The following NFASC variants were observed in gnomAD, a reference collection of about 807,000 sequenced individuals.
NFASC encodes neurofascin.
A neutral mutation model predicts 147.5 loss-of-function variants in NFASC; 43 were observed. The observed-to-expected ratio is 0.29, with a 90% confidence interval of 0.23 to 0.38. The LOEUF is 0.38. Among genes scored for constraint, NFASC ranks in the 10% least tolerant of loss-of-function variants. The pLI is 1.00. For missense variants in NFASC, 1,320 were observed against 1,689.0 expected, an observed-to-expected ratio of 0.78 and a Z score of 3.83; for synonymous variants, 622 against 665.5, an observed-to-expected ratio of 0.93 and a Z score of 1.01.
Position 205,002,616 on chromosome 1 carries a change from G to A in NFASC, c.3157G>A (p.Val1053Ile), listed in dbSNP as rs755430568. ...YIDSNHTKKT[V>I]PVKAQAQPIQ... ...CCCAGGCAACCATACGAAAAAAACT[G>A]TCCCAGTTAAGGCCCAGGCTCAGCC... Residue 1053 changes from valine (V) to isoleucine (I), a missense_variant, in exon 27 of 30, where the codon GTC (valine) becomes ATC (isoleucine). Physicochemically the swap from Val to Ile is conservative, Grantham distance 29. This residue lies in a region of NFASC where 172 missense variants were observed against 165.8 expected (regional missense o/e 1.04). Transcript: ENST00000339876. The A allele has an allele frequency of 2.6e-6, 4 of 1,532,502 alleles. No homozygotes were observed. The highest frequency in any genetic ancestry group is 3.6e-6 in the Non-Finnish European group (4 of 1,124,572). The allele number at this position is 1,532,502 out of a possible 1,614,324, so 94.9% of individuals were successfully genotyped here. A position where few individuals can be genotyped will look rare whatever the true frequency, so the allele number is the denominator to read the frequency against.
At chr1:204,957,204 C>G (rs182009574) in intron 7 of NFASC, among the ~76,000 whole-genome samples, 4 of 152,268 alleles carry the variant, frequency 2.6e-5, no homozygotes, top group Non-Finnish European at 5.9e-5. Flanking sequence ...TCCTATATGC[C>G]GAGTCCTAAG....
chr1:204,923,365 G>T (rs2090894222), intron 2 of NFASC, among the ~76,000 whole-genome samples: 2 of 152,004 alleles, frequency 1.3e-5, no homozygotes. Flanking sequence ...CACCCTCCAA[G>T]CTCAGGCTTC....
chr1:204,986,886 G>T lies in NFASC; in HGVS notation c.2471-532G>T. On this transcript the variant is annotated intron_variant, in intron 21 of 29. Coordinates refer to ENST00000339876, the MANE Select transcript of NFASC (RefSeq NM_001005388.3). The surrounding 1 kb of genome is among the most constrained non-coding windows in gnomAD (Gnocchi z 4.2). ...CCCCTTGGTTTGGTTTTCATCATTGGCCTCTCCCCAACACTCCCACCCTCC... is the reference window on the plus strand; with the variant it reads ...CCCCTTGGTTTGGTTTTCATCATTGTCCTCTCCCCAACACTCCCACCCTCC... The T allele has an allele frequency of 6.5e-6, 1 of 154,740 alleles. No individual in the cohort carries two copies. The allele number at this position is 154,740 out of a possible 1,614,324, so 9.6% of individuals were successfully genotyped here.
chr1:204,866,764 TG>T (rs1430615043), intron 1 of NFASC, among the ~76,000 whole-genome samples: 1 of 152,234 alleles, frequency 6.6e-6, no homozygotes, highest in Non-Finnish European at 1.5e-5. Context: ...TTTCATCATC[TG>T]GTAGAGGAGG....
chr1:204,849,572 C>A (rs1034913036), intron 1 of NFASC, among the ~76,000 whole-genome samples: 1 of 152,082 alleles, frequency 6.6e-6, no homozygotes, highest in African/African-American at 2.4e-5. Flanking sequence ...ACTTGGAGAG[C>A]CATTAGTCCA....
At chr1:204,978,762 G>C (rs551044001) in intron 17 of NFASC, among the ~76,000 whole-genome samples, 10 of 152,234 alleles carry the variant, frequency 6.6e-5, no homozygotes, top group East Asian at 3.9e-4. Flanking sequence ...TGTGGGGGGG[G>C]GCTGGGATTT....
rs563941485 is a variant in NFASC, at chr1:204,929,474, G to A, written c.-91+8734G>A. 1.5e-3 allele frequency: 229 copies of A among 152,666 alleles called. 1 individual carries two copies. The highest frequency in any genetic ancestry group is 2.0e-3 in the Non-Finnish European group (134 of 68,278). 9.5% of individuals were successfully genotyped at this position (152,666 alleles called of 1,614,324 possible). ...AAGCTGGGTTTCTCTCCCTGAGTGTGGGGGAGGCCGAGGTCCTGAAGCAGG... is the reference window on the plus strand; with the variant it reads ...AAGCTGGGTTTCTCTCCCTGAGTGTAGGGGAGGCCGAGGTCCTGAAGCAGG... On this transcript the variant is annotated intron_variant, in intron 2 of 29. Coordinates refer to ENST00000339876, the MANE Select transcript of NFASC (RefSeq NM_001005388.3).
intron 1 of NFASC, among the ~76,000 whole-genome samples, chr1:204,874,538 G>T (rs1237723277): frequency 6.6e-6 from 1 of 152,162 alleles, no homozygotes; most frequent in Non-Finnish European, 1.5e-5. Flanking sequence ...CCTGCCCCCG[G>T]TTCCCATTCC....
intron 1 of NFASC, among the ~76,000 whole-genome samples, chr1:204,899,517 T>C (rs960943644): frequency 1.3e-5 from 2 of 152,194 alleles, no homozygotes; most frequent in African/African-American, 2.4e-5. Context: ...AGCTGTGCTT[T>C]CCAGCAGACG....
chr1:204,975,502 A>G lies in NFASC; in HGVS notation c.1706+84A>G. 1 of 1,516,008 alleles carries G rather than the reference A, an allele frequency of 6.6e-7. No homozygotes were observed. Among genetic ancestry groups the G allele is most frequent in the Non-Finnish European group, 9.0e-7 (1 of 1,110,780 alleles). The allele number at this position is 1,516,008 out of a possible 1,614,324, so 93.9% of individuals were successfully genotyped here. On this transcript the variant is annotated intron_variant, in intron 15 of 29. Transcript: ENST00000339876. The surrounding 1 kb of genome is among the most constrained non-coding windows in gnomAD (Gnocchi z 4.0). ...TGCTGTTGGTGACACATGGAAGAAC[A>G]CAGGGACAGGGAACCCGTGTCATGC...
intron 1 of NFASC, among the ~76,000 whole-genome samples, chr1:204,855,532 G>A (rs1387152621): frequency 6.6e-6 from 1 of 152,220 alleles, no homozygotes; most frequent in Non-Finnish European, 1.5e-5. Context: ...GAATAGTAAA[G>A]AGACCTCTGA....
intron 1 of NFASC, among the ~76,000 whole-genome samples, chr1:204,915,782 C>T (rs936702127): frequency 1.3e-5 from 2 of 152,114 alleles, no homozygotes; most frequent in African/African-American, 2.4e-5. Context: ...TTTAGAAATA[C>T]GCCCTTATGG....
At chr1:204,848,018 C>A (rs2075328127) in intron 1 of NFASC, among the ~76,000 whole-genome samples, 1 of 152,152 alleles carries the variant, frequency 6.6e-6, no homozygotes, top group Non-Finnish European at 1.5e-5. Context: ...CTGCTTTTGT[C>A]TTCCCATTAC....
chr1:204,881,066 GA>G (rs1348620126), intron 1 of NFASC, among the ~76,000 whole-genome samples: 1 of 152,244 alleles, frequency 6.6e-6, no homozygotes, highest in African/African-American at 2.4e-5. Flanking sequence ...ACGGGCAACT[GA>G]GGCTCCCCTG....
At chr1:204,919,309 G>A (rs772159778) in intron 1 of NFASC, among the ~76,000 whole-genome samples, 11 of 152,066 alleles carry the variant, frequency 7.2e-5, no homozygotes, top group Admixed American at 5.2e-4. Flanking sequence ...ACAGGCGTGA[G>A]CCACCGCACC....
intron 1 of NFASC, among the ~76,000 whole-genome samples, chr1:204,840,167 A>G (rs1355770950): frequency 6.6e-6 from 1 of 152,142 alleles, no homozygotes; most frequent in Non-Finnish European, 1.5e-5. Context: ...TGCTTTTCCA[A>G]CAAGGTCCCA....
chr1:204,872,001 G>A (rs886736920), intron 1 of NFASC, among the ~76,000 whole-genome samples: 3 of 152,246 alleles, frequency 2.0e-5, no homozygotes, highest in African/African-American at 7.2e-5. Context: ...GCTCCCTGAA[G>A]CAGGGGTTTG....
At chr1:204,965,180 G>A (rs144424313) in intron 8 of NFASC, among the ~76,000 whole-genome samples, 17 of 152,248 alleles carry the variant, frequency 1.1e-4, no homozygotes, top group African/African-American at 3.9e-4. Flanking sequence ...AGATCAGGGC[G>A]AATAACCAAT....
At chr1:204,911,444 C>T (rs892606623) in intron 1 of NFASC, among the ~76,000 whole-genome samples, 1 of 152,138 alleles carries the variant, frequency 6.6e-6, no homozygotes, top group African/African-American at 2.4e-5. Flanking sequence ...TCTTGAGCTC[C>T]TGGCCTAAAG....
Sources: allele counts gnomAD v4.1 joint callset (sites outside exome capture counted in the v4.1 genomes callset), GRCh38; gene constraint gnomAD v4.1.1; regional missense constraint gnomAD v4.1.1; non-coding constraint Gnocchi (gnomAD v3.1); transcripts MANE v1.5; gene names NCBI Gene and HGNC (gene_info 2026-07-23, HGNC 2026-07-21).